The following GLIS3 variants were observed in gnomAD, a reference collection of about 807,000 sequenced individuals.
The protein encoded by GLIS3 is zinc finger protein GLIS3.
A neutral mutation model predicts 78.6 loss-of-function variants in GLIS3; 53 were observed. The ratio of observed to expected loss-of-function variants is 0.67; its 90% CI spans 0.54 to 0.85. GLIS3 has a LOEUF of 0.85. Among genes scored for constraint, GLIS3 ranks in the 40% least tolerant of loss-of-function variants. The probability of loss-of-function intolerance (pLI) is 0.00; values close to 1 mark genes in which losing one functional copy is unlikely to be tolerated. For synonymous variants in GLIS3, 684 were observed against 509.9 expected, an observed-to-expected ratio of 1.34 and a Z score of -4.60; for missense variants, 1,703 against 1,231.1, an observed-to-expected ratio of 1.38 and a Z score of -5.74.
the GLIS3 span, among the ~76,000 whole-genome samples, chr9:4,413,555 C>T: frequency 7.3e-4 from 111 of 152,212 alleles, no homozygotes; most frequent in Non-Finnish European, 1.1e-3. Flanking sequence ...TCCAGTATAT[C>T]CTGCTTGTGG....
chr9:3,836,111 T>C (rs1479339556), intron 9 of GLIS3, among the ~76,000 whole-genome samples: 2 of 152,226 alleles, frequency 1.3e-5, no homozygotes, highest in Non-Finnish European at 2.9e-5. Context: ...TGTCTGCTGA[T>C]GGCAGGTATA....
the GLIS3 span, among the ~76,000 whole-genome samples, chr9:4,416,812 G>GAT: frequency 1.0e-5 from 1 of 95,822 alleles, no homozygotes; most frequent in Admixed American, 1.3e-4. Context: ...CCCATAGTCA[G>GAT]TTTTTTTTTT....
Position 3,979,303 on chromosome 9 carries a change from C to T in GLIS3, c.1711-42114G>A, listed in dbSNP as rs140826810. ...ACCTGAACATTCTCTGGACCCAATC[C>T]CTGCAAGTCTCCCTCACTGTTCTGG... On this transcript the variant is annotated intron_variant, in intron 4 of 10. Transcript: ENST00000381971. Among the ~76,000 whole-genome samples, 24 of 152,298 alleles carry T rather than the reference C, an allele frequency of 1.6e-4. No homozygotes were observed. The East Asian group carries it at 4.4e-3, about 28-fold the overall frequency.
intron 4 of GLIS3, among the ~76,000 whole-genome samples, chr9:4,085,007 T>TA (rs34573737): frequency 2.0e-5 from 3 of 150,594 alleles, no homozygotes; most frequent in Non-Finnish European, 3.0e-5. Flanking sequence ...TTGGGAGGAA[T>TA]AAAAAAAAGC....
intron 4 of GLIS3, among the ~76,000 whole-genome samples, chr9:4,062,760 T>C (rs2130573548): frequency 6.6e-6 from 1 of 152,098 alleles, no homozygotes; most frequent in East Asian, 1.9e-4. Flanking sequence ...ACCCCATCTC[T>C]ACTAAAAATA....
intron 4 of GLIS3, among the ~76,000 whole-genome samples, chr9:3,973,270 G>A (rs578027080): frequency 6.6e-6 from 1 of 152,210 alleles, no homozygotes; most frequent in East Asian, 1.9e-4. Flanking sequence ...GAGCTTTGGT[G>A]TCTAGAGTTT....
chr9:4,106,682 A>G (rs1415428354), intron 4 of GLIS3, among the ~76,000 whole-genome samples: 1 of 152,212 alleles, frequency 6.6e-6, no homozygotes, highest in African/African-American at 2.4e-5. Flanking sequence ...GTATCAAATA[A>G]GCTACTTTAT....
At chr9:4,031,464 T>C (rs1279045609) in intron 4 of GLIS3, among the ~76,000 whole-genome samples, 3 of 152,144 alleles carry the variant, frequency 2.0e-5, no homozygotes, top group South Asian at 4.1e-4. Context: ...AGCAGATTAG[T>C]AGTTGCCTGT....
chr9:4,405,500 T>C, the GLIS3 span, among the ~76,000 whole-genome samples: 111,797 of 152,046 alleles, frequency 0.74, 41,259 homozygotes, highest in South Asian at 0.81. Flanking sequence ...TTCCTACGCA[T>C]ATACAACCTA....
intron 6 of GLIS3, among the ~76,000 whole-genome samples, chr9:3,915,652 T>C (rs1824459377): frequency 6.6e-6 from 1 of 152,168 alleles, no homozygotes; most frequent in Non-Finnish European, 1.5e-5. Flanking sequence ...CATTTGCAAA[T>C]GCTCCAGCCT....
At chr9:4,329,829 T>C (rs4336659) in intron 2 of GLIS3, among the ~76,000 whole-genome samples, 130,487 of 152,134 alleles carry the variant, frequency 0.86, 57,640 homozygotes, top group Non-Finnish European at 0.96. Flanking sequence ...GGCCTACTTC[T>C]GGTGCTGGTA....
intron 4 of GLIS3, among the ~76,000 whole-genome samples, chr9:3,991,336 AC>A (rs1820216291): frequency 1.3e-5 from 2 of 152,158 alleles, no homozygotes; most frequent in South Asian, 2.1e-4. Context: ...ATACAAAAAA[AC>A]AAAAAAAAAG....
intron 2 of GLIS3, among the ~76,000 whole-genome samples, chr9:4,192,667 T>C (rs975959527): frequency 2.0e-5 from 3 of 152,158 alleles, no homozygotes; most frequent in Admixed American, 6.5e-5. Context: ...AGCAAATATT[T>C]ATGAAGAGCC....
At chr9:4,451,034 A>G in the GLIS3 span, among the ~76,000 whole-genome samples, 4 of 152,372 alleles carry the variant, frequency 2.6e-5, no homozygotes, top group South Asian at 4.1e-4. Context: ...AAATGCCCCA[A>G]TTAAAAGGCA....
intron 4 of GLIS3, among the ~76,000 whole-genome samples, chr9:3,959,752 G>C (rs909136032): frequency 6.6e-6 from 1 of 152,166 alleles, no homozygotes; most frequent in Non-Finnish European, 1.5e-5. Flanking sequence ...CTCCCAAATA[G>C]AGTATAGTGA....
intron 3 of GLIS3, among the ~76,000 whole-genome samples, chr9:4,125,105 T>C (rs556983917): frequency 1.4e-4 from 21 of 152,344 alleles, no homozygotes; most frequent in African/African-American, 4.1e-4. Flanking sequence ...CTACTTACTA[T>C]GGAACCTAAT....
At chr9:4,452,336 GAGAA>G in the GLIS3 span, among the ~76,000 whole-genome samples, 1 of 152,130 alleles carries the variant, frequency 6.6e-6, no homozygotes. Flanking sequence ...AGTCAGGCAA[GAGAA>G]AGAAAGAAAG....
At chr9:3,968,068 C>T (rs559392379) in intron 4 of GLIS3, among the ~76,000 whole-genome samples, 14 of 152,148 alleles carry the variant, frequency 9.2e-5, no homozygotes, top group South Asian at 8.3e-4. Flanking sequence ...ACAATCTGTC[C>T]GAAGGTGTGG....
chr9:4,440,241 G>A, the GLIS3 span, among the ~76,000 whole-genome samples: 1 of 152,002 alleles, frequency 6.6e-6, no homozygotes, highest in Non-Finnish European at 1.5e-5. Flanking sequence ...GTGATTTTGA[G>A]GTCTTATCCA....
Sources: allele counts gnomAD v4.1 joint callset (sites outside exome capture counted in the v4.1 genomes callset), GRCh38; gene constraint gnomAD v4.1.1; transcripts MANE v1.5; gene names NCBI Gene and HGNC (gene_info 2026-07-23, HGNC 2026-07-21).